The following PRLR variants were observed in gnomAD, a reference collection of about 807,000 sequenced individuals.
PRLR encodes the protein prolactin receptor.
A neutral mutation model predicts 40.2 loss-of-function variants in PRLR; 13 were observed. The ratio of observed to expected loss-of-function variants is 0.32; its 90% CI spans 0.21 to 0.51. The LOEUF (loss-of-function observed/expected upper bound fraction) is 0.51. PRLR is among the 20% of genes least tolerant of loss of function. The pLI is 0.97. For synonymous variants in PRLR, 269 were observed against 278.7 expected (o/e 0.97, Z 0.35); for missense variants, 656 against 747.3 (o/e 0.88, Z 1.42).
chr5:35,116,720 C>T (rs1490329705), intron 2 of PRLR, among the ~76,000 whole-genome samples: 3 of 152,164 alleles, frequency 2.0e-5, no homozygotes, highest in Non-Finnish European at 4.4e-5. Context: ...TCCAATGTTA[C>T]CAGATGCTCC....
At chr5:35,132,286 C>G (rs942990351) in intron 1 of PRLR, among the ~76,000 whole-genome samples, 1 of 152,070 alleles carries the variant, frequency 6.6e-6, no homozygotes, top group African/African-American at 2.4e-5. Flanking sequence ...GTGTACAGAA[C>G]ACTCAATACC....
chr5:35,193,360 G>A (rs1318378698), intron 1 of PRLR, among the ~76,000 whole-genome samples: 1 of 152,202 alleles, frequency 6.6e-6, no homozygotes, highest in African/African-American at 2.4e-5. Context: ...ACTCATGTGA[G>A]CACAAACACG....
rs146253188 is a variant in PRLR at position 35,225,964 on chromosome 5, G to A, written c.-106+4304C>T. 5.0e-3 allele frequency among the ~76,000 whole-genome samples: 760 copies of A among 152,336 alleles called. 4 individuals carry two copies. Among genetic ancestry groups the A allele is most frequent in the Non-Finnish European group, 6.7e-3 (459 of 68,036 alleles). The stretch of plus-strand genomic sequence containing the variant: ...CCTAAAGTGCTTGGATTACAGGCAT[G>A]AGCCACCACACCTGGCCAAGACAGT... On this transcript the variant is annotated intron_variant, in intron 1 of 9. Coordinates refer to ENST00000618457, the MANE Select transcript of PRLR (RefSeq NM_000949.7).
At chr5:35,175,758 C>G (rs940146984) in intron 1 of PRLR, among the ~76,000 whole-genome samples, 3 of 152,204 alleles carry the variant, frequency 2.0e-5, no homozygotes, top group African/African-American at 7.2e-5. Context: ...ACTTCACAAA[C>G]TGCCCCCACT....
At chr5:35,182,330 G>T (rs189621756) in intron 1 of PRLR, among the ~76,000 whole-genome samples, 4 of 152,254 alleles carry the variant, frequency 2.6e-5, no homozygotes, top group Admixed American at 2.6e-4. Context: ...TGTAAATTGT[G>T]ATGTAGCGTT....
chr5:35,163,744 C>A (rs1394076149), intron 1 of PRLR, among the ~76,000 whole-genome samples: 1 of 152,198 alleles, frequency 6.6e-6, no homozygotes, highest in Non-Finnish European at 1.5e-5. Flanking sequence ...ATTTCTTAAT[C>A]CTTCTCAAGT....
chr5:35,220,236 G>C (rs535528826), intron 1 of PRLR, among the ~76,000 whole-genome samples: 1 of 151,974 alleles, frequency 6.6e-6, no homozygotes, highest in South Asian at 2.1e-4. Flanking sequence ...CCATGACCTC[G>C]GGCCCTCCTT....
At chr5:35,222,551 C>T (rs374670089) in intron 1 of PRLR, among the ~76,000 whole-genome samples, 4 of 152,106 alleles carry the variant, frequency 2.6e-5, no homozygotes, top group African/African-American at 7.2e-5. Flanking sequence ...GCATCAGGGA[C>T]GGGGCTCTCG....
chr5:35,172,482 A>G (rs1775028940), intron 1 of PRLR, among the ~76,000 whole-genome samples: 1 of 152,164 alleles, frequency 6.6e-6, no homozygotes, highest in Non-Finnish European at 1.5e-5. Context: ...CCCTTTCTAC[A>G]GAACTCTCCC....
At chr5:35,172,055 C>T (rs147389588) in intron 1 of PRLR, among the ~76,000 whole-genome samples, 284 of 152,214 alleles carry the variant, frequency 1.9e-3, no homozygotes, top group African/African-American at 6.4e-3. Flanking sequence ...ACCTCTAAAC[C>T]GAGGAAGAGG....
chr5:35,215,672 T>C (rs1208364353), intron 1 of PRLR, among the ~76,000 whole-genome samples: 2 of 151,978 alleles, frequency 1.3e-5, no homozygotes, highest in African/African-American at 4.8e-5. Flanking sequence ...AGTTGCAAGA[T>C]GTACAAAAGA....
chr5:35,138,239 A>C (rs1773917086), intron 1 of PRLR, among the ~76,000 whole-genome samples: 1 of 152,220 alleles, frequency 6.6e-6, no homozygotes, highest in African/African-American at 2.4e-5. Context: ...ATACTTTGGA[A>C]GTTTCAGTTT....
intron 1 of PRLR, among the ~76,000 whole-genome samples, chr5:35,142,477 T>C (rs554933573): frequency 2.6e-5 from 4 of 152,330 alleles, no homozygotes; most frequent in African/African-American, 9.6e-5. Context: ...CTAGTGAATT[T>C]AATAATGAGC....
Position 35,068,857 on chromosome 5 carries a change from G to C in PRLR, c.707C>G (p.Thr236Ser), listed in dbSNP as rs1490081552. ...AAGGACAGCCACAGAGATCCACACGGTTGTATCATTCATGGTGAAGTCTAA... is the reference window on the plus strand; with the variant it reads ...AAGGACAGCCACAGAGATCCACACGCTTGTATCATTCATGGTGAAGTCTAA... Reference protein sequence around the residue: ...IPSDFTMNDTTVWISVAVLSA... With the variant: ...IPSDFTMNDTSVWISVAVLSA... The change falls in exon 8 of 10, where the codon ACC (threonine) becomes AGC (serine). Residue 236 changes from threonine to serine, a missense_variant. By Grantham distance (58) the Thr-to-Ser change is moderately conservative (BLOSUM62 1). Coordinates refer to ENST00000618457, the MANE Select transcript of PRLR (RefSeq NM_000949.7). 1 of 1,612,254 alleles carries C rather than the reference G, an allele frequency of 6.2e-7. No homozygotes were observed. Among genetic ancestry groups the C allele is most frequent in the South Asian group, 1.1e-5 (1 of 91,018 alleles).
At chr5:35,078,832 C>T (rs1488232344) in intron 5 of PRLR, among the ~76,000 whole-genome samples, 2 of 152,164 alleles carry the variant, frequency 1.3e-5, no homozygotes, top group Admixed American at 6.5e-5. Flanking sequence ...AAACCGAATC[C>T]AGCAGCAAAT....
rs1433925600 is a variant in PRLR at position 35,063,397 on chromosome 5, T to G, written c.*1692A>C. 1 of 152,254 alleles carries G rather than the reference T, an allele frequency of 6.6e-6. No individual in the cohort carries two copies. The highest frequency in any genetic ancestry group is 2.4e-5 in the African/African-American group (1 of 41,540). 9.4% of individuals were successfully genotyped at this position (152,254 alleles called of 1,614,324 possible). A position where few individuals can be genotyped will look rare whatever the true frequency, so the allele number is the denominator to read the frequency against. ...CCAGCTAGTAAATGGACATATAGAA[T>G]GGATTTACCATCAAGTGAAGGGAAA... On this transcript the variant is annotated 3_prime_UTR_variant, in exon 10 of 10. Transcript: ENST00000618457.
chr5:35,206,527 T>A (rs1776025985), intron 1 of PRLR, among the ~76,000 whole-genome samples: 1 of 152,116 alleles, frequency 6.6e-6, no homozygotes, highest in Non-Finnish European at 1.5e-5. Context: ...AAATTATTCT[T>A]ACCAATACTG....
intron 1 of PRLR, among the ~76,000 whole-genome samples, chr5:35,134,703 T>A (rs2962093): frequency 0.23 from 34,779 of 152,084 alleles, 7,576 homozygotes; most frequent in African/African-American, 0.57. Context: ...ATTCTACTGG[T>A]GGAAAAGTAA....
intron 1 of PRLR, among the ~76,000 whole-genome samples, chr5:35,229,143 T>A (rs1031091522): frequency 6.7e-6 from 1 of 148,360 alleles, no homozygotes; most frequent in African/African-American, 2.5e-5. Context: ...TATATATATA[T>A]AATTAATTAA....
Sources: allele counts gnomAD v4.1 joint callset (sites outside exome capture counted in the v4.1 genomes callset), GRCh38; gene constraint gnomAD v4.1.1; transcripts MANE v1.5; gene names NCBI Gene and HGNC (gene_info 2026-07-23, HGNC 2026-07-21).